The following NR1I2 variants were observed in gnomAD, a reference collection of about 807,000 sequenced individuals.
NR1I2 encodes the protein nuclear receptor subfamily 1 group I member 2, also known as orphan nuclear receptor PAR1.
Under a neutral mutation model 43.3 loss-of-function variants are expected in NR1I2, and 42 were observed. The ratio of observed to expected loss-of-function variants is 0.97; its 90% confidence interval spans 0.76 to 1.26. The LOEUF is 1.26. Ranked by LOEUF, NR1I2 falls within the 50% of genes most tolerant of loss-of-function variation. The pLI is 0.00. For missense variants in NR1I2, 559 were observed against 566.7 expected (o/e 0.99, Z 0.14); for synonymous variants, 229 against 215.0 (o/e 1.06, Z -0.57).
intron 1 of NR1I2, among the ~76,000 whole-genome samples, chr3:119,794,277 C>T (rs1392675257): frequency 1.3e-5 from 2 of 151,930 alleles, no homozygotes; most frequent in African/African-American, 2.4e-5. Context: ...ACTGCAGCCT[C>T]GACCTCCTGG....
intron 1 of NR1I2, among the ~76,000 whole-genome samples, chr3:119,806,397 C>T (rs775544438): frequency 2.6e-5 from 4 of 152,134 alleles, no homozygotes; most frequent in East Asian, 1.9e-4. Flanking sequence ...AGATCCTCCC[C>T]GCTCAGCTTC....
At chr3:119,782,952 T>G in intron 1 of NR1I2, 1 of 925,816 alleles carries the variant, frequency 1.1e-6, no homozygotes, top group Non-Finnish European at 1.8e-6. Context: ...TCTCTCCACT[T>G]TACAGCCCAG....
Position 119,812,846 on chromosome 3 carries a change from C to T in NR1I2, c.680C>T (p.Pro227Leu). Residue 227 changes from proline to leucine, a missense_variant, in exon 5 of 9, where the codon CCC becomes CTC. Transcript: ENST00000393716. ...GATGGCAGTGTCTGGAACTACAAAC[C>T]CCCAGCCGACAGTGGCGGGAAAGAG... 1 of 1,614,198 alleles carries T rather than the reference C, an allele frequency of 6.2e-7. No individual in the cohort carries two copies. Among genetic ancestry groups the T allele is most frequent in the South Asian group, 1.1e-5 (1 of 91,086 alleles).
chr3:119,813,691 C>T (rs1440413507), intron 5 of NR1I2, among the ~76,000 whole-genome samples: 1 of 151,844 alleles, frequency 6.6e-6, no homozygotes, highest in Non-Finnish European at 1.5e-5. Context: ...CTTCTCTGGC[C>T]CTGTAGGAGT....
intron 5 of NR1I2, 93 bp from the exon 6 acceptor site, chr3:119,814,886 G>A (rs6785049): frequency 0.58 from 878,804 of 1,522,460 alleles, 264,234 homozygotes; most frequent in Admixed American, 0.64. Flanking sequence ...TCTTCCTCTC[G>A]CCCCCAACTT....
At chr3:119,800,115 T>C (rs1322309741) in intron 1 of NR1I2, among the ~76,000 whole-genome samples, 1 of 152,230 alleles carries the variant, frequency 6.6e-6, no homozygotes, top group East Asian at 1.9e-4. Flanking sequence ...GTTTTATAGT[T>C]ATAGCTCTTA....
In NR1I2 at chr3:119,818,139, T is replaced by G. The variant is rs2055355366; in HGVS notation, c.*927T>G. 1.0e-6 allele frequency: 1 copy of G among 985,486 alleles called. No homozygotes were observed. The highest frequency in any genetic ancestry group is 1.7e-5 in the African/African-American group (1 of 57,204). 61.0% of individuals were successfully genotyped at this position (985,486 alleles called of 1,614,324 possible). A position where few individuals can be genotyped will look rare whatever the true frequency, so the allele number is the denominator to read the frequency against. ...GCAGCTGTGAGTGCGTGTGTGTGAT[T>G]TGGTGTAGGTAGGTCTGTTTGCCAC... On this transcript the variant is annotated 3_prime_UTR_variant, in exon 9 of 9. Transcript: ENST00000393716.
At chr3:119,783,879 T>C (rs1466643950) in intron 1 of NR1I2, among the ~76,000 whole-genome samples, 1 of 152,252 alleles carries the variant, frequency 6.6e-6, no homozygotes, top group African/African-American at 2.4e-5. Context: ...TAGCAAGACT[T>C]GGAGACTTTC....
At chr3:119,806,053 AT>A (rs752503269) in intron 1 of NR1I2, among the ~76,000 whole-genome samples, 18 of 152,196 alleles carry the variant, frequency 1.2e-4, no homozygotes, top group Admixed American at 6.5e-4. Context: ...GGAAACAGAA[AT>A]TTATGTGTTA....
Position 119,810,129 on chromosome 3 carries a change from A to G in NR1I2, c.266A>G (p.Lys89Arg), listed in dbSNP as rs1284820806. The change falls in exon 3 of 9, where the codon AAG becomes AGG. Residue 89 changes from lysine (K) to arginine (R), a missense_variant. Lys to Arg is a conservative substitution (Grantham distance 26). Coordinates refer to ENST00000393716, the MANE Select transcript of NR1I2 (RefSeq NM_003889.4). ...AAGGGCGCCTGCGAGATCACCCGGA[A>G]GACCCGGCGACAGTGCCAGGCCTGC... 18 of 1,613,454 alleles carry G rather than the reference A, an allele frequency of 1.1e-5. No homozygotes were observed. The highest frequency in any genetic ancestry group is 1.5e-5 in the Non-Finnish European group (18 of 1,179,852).
intron 1 of NR1I2, among the ~76,000 whole-genome samples, chr3:119,799,326 G>A (rs1298753792): frequency 6.6e-6 from 1 of 152,086 alleles, no homozygotes; most frequent in Non-Finnish European, 1.5e-5. Flanking sequence ...GTCATTCATA[G>A]CTTCTTTGGT....
intron 1 of NR1I2, among the ~76,000 whole-genome samples, chr3:119,784,263 C>A (rs1198819019): frequency 6.6e-6 from 1 of 152,188 alleles, no homozygotes; most frequent in African/African-American, 2.4e-5. Context: ...TGAATTAGTG[C>A]AAATGACAAC....
At chr3:119,813,085 G>A in intron 5 of NR1I2, 125 bp downstream of exon 5, 1 of 1,109,666 alleles carries the variant, frequency 9.0e-7, no homozygotes, top group Non-Finnish European at 1.3e-6. Flanking sequence ...CTTTTCCTGT[G>A]CCCTTTCCCC....
intron 1 of NR1I2, among the ~76,000 whole-genome samples, chr3:119,792,717 A>G (rs914839775): frequency 1.3e-5 from 2 of 152,044 alleles, no homozygotes; most frequent in Admixed American, 1.3e-4. Context: ...CAAAAAAGAA[A>G]AAAAAAATTT....
intron 1 of NR1I2, among the ~76,000 whole-genome samples, chr3:119,797,412 C>A (rs573474852): frequency 2.0e-4 from 30 of 152,194 alleles, no homozygotes; most frequent in African/African-American, 6.7e-4. Flanking sequence ...TACCATACCT[C>A]CTTCTTCAAG....
At chr3:119,805,969 C>A (rs2055153917) in intron 1 of NR1I2, among the ~76,000 whole-genome samples, 1 of 152,042 alleles carries the variant, frequency 6.6e-6, no homozygotes, top group African/African-American at 2.4e-5. Flanking sequence ...TAATGGAGGG[C>A]CAGGGTCAGA....
chr3:119,812,347 C>T (rs2055256027), intron 4 of NR1I2, among the ~76,000 whole-genome samples: 1 of 152,184 alleles, frequency 6.6e-6, no homozygotes, highest in Admixed American at 6.5e-5. Context: ...CCTAAACCTT[C>T]TGAGTCTCCT....
chr3:119,807,112 C>T (rs921727973), intron 1 of NR1I2, 117 bp from the exon 2 acceptor site: 4 of 879,024 alleles, frequency 4.6e-6, no homozygotes, highest in Non-Finnish European at 7.4e-6. Flanking sequence ...GAGAGGTCAG[C>T]TCCCGAGTTC....
chr3:119,817,292 T>A lies in NR1I2; in HGVS notation c.*80T>A. 1 of 1,604,478 alleles carries A rather than the reference T, an allele frequency of 6.2e-7. No homozygotes were observed. Among genetic ancestry groups the A allele is most frequent in the South Asian group, 1.1e-5 (1 of 90,646 alleles). ...GCCGCCACTCCCGGGCCAAGACAGA[T>A]GGACACTGCCAAGAGCCGACAATGC... On this transcript the variant is annotated 3_prime_UTR_variant, in exon 9 of 9. Transcript: ENST00000393716.
Sources: gnomAD v4.1 joint callset for allele counts (sites outside exome capture counted in the v4.1 genomes callset) on GRCh38, gnomAD v4.1.1 for gene constraint, MANE v1.5 for transcripts, NCBI Gene and HGNC (gene_info 2026-07-23, HGNC 2026-07-21) for gene names.